POLD1: variants seen among roughly 807,000 people sequenced by gnomAD.
POLD1 encodes DNA polymerase delta 1, catalytic subunit, also known as DNA polymerase delta catalytic subunit.
POLD1 carries 79 observed loss-of-function variants against 129.7 expected under a neutral mutation model. The observed-to-expected ratio is 0.61, with a 90% confidence interval of 0.51 to 0.73. The LOEUF is 0.73. POLD1 is among the 30% of genes least tolerant of loss of function. The probability of loss-of-function intolerance (pLI) is 0.00; values close to 1 mark genes in which losing one functional copy is unlikely to be tolerated. For synonymous variants in POLD1, 714 were observed against 683.3 expected, an observed-to-expected ratio of 1.04 and a Z score of -0.70; for missense variants, 1,338 against 1,595.8, an observed-to-expected ratio of 0.84 and a Z score of 2.75.
intron 17 of POLD1, chr19:50,410,989 A>T (rs1306360578): frequency 1.6e-5 from 2 of 121,942 alleles, no homozygotes; most frequent in African/African-American, 7.1e-5. Flanking sequence ...ACAGAGTCTC[A>T]CTCTCTCACC....
chr19:50,415,539 G>A lies in POLD1; in HGVS notation c.2666G>A (p.Arg889His), dbSNP rs748904485. 4.3e-6 allele frequency: 7 copies of A among 1,613,084 alleles called. No individual in the cohort carries two copies. The highest frequency in any genetic ancestry group is 5.9e-6 in the Non-Finnish European group (7 of 1,179,786). Residue 889 changes from arginine (R) to histidine (H), a missense_variant, in exon 21 of 27, where the codon CGC becomes CAC. Physicochemically the swap from Arg to His is conservative, Grantham distance 29. Around this residue, in one of 3 missense-constraint regions of POLD1, gnomAD observed 720 missense variants for 1,002.6 expected, o/e 0.72. Coordinates refer to ENST00000440232, the MANE Select transcript of POLD1 (RefSeq NM_002691.4). ...CTGGTCATCACCAAGGAGCTGACCC[G>A]CGCGGCCTCCGACTATGCCGGCAAG... ...SQLVITKELT[R>H]AASDYAGKQA...
In POLD1 at chr19:50,417,108, C is replaced by G. The variant is rs369535710; in HGVS notation, c.3120+11C>G. 1 of 1,563,534 alleles carries G rather than the reference C, an allele frequency of 6.4e-7. No individual in the cohort carries two copies. ...CTGTATCAGAAGGAGGTGAGAGGGC[C>G]GGGAGGTGAGGAGGGGCCAGGTGGG... is the stretch of plus-strand genomic sequence containing the variant. On this transcript the variant is annotated intron_variant, in intron 25 of 26. Transcript: ENST00000440232.
intron 8 of POLD1, 58 bp downstream of exon 8, chr19:50,402,799 G>A: frequency 6.5e-7 from 1 of 1,545,476 alleles, no homozygotes; most frequent in Non-Finnish European, 8.7e-7. Context: ...TCGGGGGTCG[G>A]AAAGGCAGGT....
rs1568634947 is a variant in POLD1, at chr19:50,413,460, A to T, written c.2189A>T (p.Lys730Ile). ...GGGTTCGGACGTCAGATGATCGAGA[A>T]AACCAAGCAGCTGGTGGAGTCTAAG... ...VTGFGRQMIE[K>I]TKQLVESKYT... The change falls in exon 18 of 27, where the codon AAA becomes ATA. Residue 730 changes from lysine to isoleucine, a missense_variant. By Grantham distance (102) the Lys-to-Ile change is moderately radical (BLOSUM62 -3). This residue lies in a region of POLD1 where 720 missense variants were observed against 1,002.6 expected (regional missense o/e 0.72). Transcript: ENST00000440232. 6.2e-7 allele frequency: 1 copy of T among 1,613,498 alleles called. No individual in the cohort carries two copies. Among genetic ancestry groups the T allele is most frequent in the Non-Finnish European group, 8.5e-7 (1 of 1,179,664 alleles).
chr19:50,402,099 G>A lies in POLD1; in HGVS notation c.564G>A (p.Leu188=), dbSNP rs2038665417. 6.2e-7 allele frequency: 1 copy of A among 1,613,540 alleles called. No homozygotes were observed. Among genetic ancestry groups the A allele is most frequent in the Non-Finnish European group, 8.5e-7 (1 of 1,179,780 alleles). ...GGGAGCTGACTGGGCCGGCCGTGCT[G>A]GCTGTGGAACTGTGCTCCCGAGAGA... ...GGRELTGPAV[L]AVELCSRESM... is the part of the protein sequence containing the mutation. Residue 188 remains leucine, a synonymous_variant, in exon 5 of 27, where the codon CTG becomes CTA. Transcript: ENST00000440232.
chr19:50,413,656 G>A (rs2122442344), intron 18 of POLD1, 86 bp from the exon 19 acceptor site: 1 of 1,545,462 alleles, frequency 6.5e-7, no homozygotes, highest in Non-Finnish European at 8.8e-7. Context: ...GGGTCCCGTT[G>A]GCATTAGCCA....
chr19:50,392,712 A>T lies in POLD1; in HGVS notation c.-1-6139A>T, dbSNP rs1246139956. On this transcript the variant is annotated intron_variant, in intron 1 of 26. Transcript: ENST00000440232. Reference sequence around the variant, plus strand: ...GGCTGGTCTGGAACTCTTGACCTCAAGTGATCCACCCTCCTTGGCCTCCCA... The same window carrying T: ...GGCTGGTCTGGAACTCTTGACCTCATGTGATCCACCCTCCTTGGCCTCCCA... Among the ~76,000 whole-genome samples, 3 of 152,230 alleles carry T rather than the reference A, an allele frequency of 2.0e-5. No homozygotes were observed. The East Asian group carries it at 5.8e-4, about 29-fold the overall frequency.
chr19:50,417,387 C>T lies in POLD1; in HGVS notation c.3218+118C>T, dbSNP rs993167213. Reference sequence around the variant, plus strand: ...CCTGAGCATCCTCCCCGCCCATCCCCTTCCAGCTGTGAGCTGTCCTGAGCC... The same window carrying T: ...CCTGAGCATCCTCCCCGCCCATCCCTTTCCAGCTGTGAGCTGTCCTGAGCC... On this transcript the variant is annotated intron_variant, in intron 26 of 26. Transcript: ENST00000440232. The T allele has an allele frequency of 1.0e-5, 7 of 670,876 alleles. No individual in the cohort carries two copies. In the African/African-American group the frequency reaches 1.1e-4, roughly 10 times the overall value. The allele number at this position is 670,876 out of a possible 1,614,324, so 41.6% of individuals were successfully genotyped here.
At chr19:50,416,893 G>A (rs544672857) in intron 24 of POLD1, 152 bp from the exon 25 acceptor site, 16 of 1,024,604 alleles carry the variant, frequency 1.6e-5, no homozygotes, top group East Asian at 2.6e-5. Flanking sequence ...CCCCCACCCC[G>A]GGAGTTCCCC....
intron 1 of POLD1, among the ~76,000 whole-genome samples, 191 bp downstream of exon 1, chr19:50,384,581 G>T (rs1351350944): frequency 6.6e-6 from 1 of 151,422 alleles, no homozygotes; most frequent in Admixed American, 6.6e-5. Context: ...CGGGGTGGGG[G>T]TGGAATTCCT....
rs1421735311 is a variant in POLD1, at chr19:50,403,235, CG to C, written c.1137+17del. The stretch of plus-strand genomic sequence containing the variant: ...CCTGCTGCAGGTAGCTCTCGCTCCA[CG>C]CCCCACACCATTTCCCGGGGTCCCC... On this transcript the variant is annotated intron_variant, in intron 9 of 26. Coordinates refer to ENST00000440232, the MANE Select transcript of POLD1 (RefSeq NM_002691.4). The C allele has an allele frequency of 1.3e-5, 20 of 1,531,500 alleles. No homozygotes were observed. In the Admixed American group the frequency reaches 4.0e-4, roughly 31 times the overall value. 94.9% of individuals were successfully genotyped at this position (1,531,500 alleles called of 1,614,324 possible). A position where few individuals can be genotyped will look rare whatever the true frequency, so the allele number is the denominator to read the frequency against.
intron 1 of POLD1, among the ~76,000 whole-genome samples, chr19:50,394,387 C>G (rs2038270877): frequency 6.6e-6 from 1 of 152,106 alleles, no homozygotes; most frequent in Non-Finnish European, 1.5e-5. Flanking sequence ...CGCGGTGGCT[C>G]ACACCCATAA....
At chr19:50,417,517 C>G (rs2039354787) in intron 26 of POLD1, among the ~76,000 whole-genome samples, 1 of 152,182 alleles carries the variant, frequency 6.6e-6, no homozygotes, top group South Asian at 2.1e-4. Flanking sequence ...AACGGCTGTC[C>G]TCCCGACACA....
chr19:50,415,027 G>T, intron 20 of POLD1, 37 bp downstream of exon 20: 1 of 1,472,350 alleles, frequency 6.8e-7, no homozygotes. Flanking sequence ...CAGGGGGCTG[G>T]GCCCCAAACC....
chr19:50,391,756 G>A (rs1010247387), intron 1 of POLD1, among the ~76,000 whole-genome samples: 14 of 151,972 alleles, frequency 9.2e-5, no homozygotes, highest in Non-Finnish European at 1.6e-4. Flanking sequence ...CTTGTTGCCC[G>A]GGCTGGAGTG....
At position 50,416,072 on chromosome 19, in the gene POLD1, G is replaced by A. The variant is rs559625579; in HGVS notation, c.2820+246G>A. The A allele has an allele frequency of 2.5e-5, 14 of 569,796 alleles. No homozygotes were observed. The South Asian group carries it at 3.3e-4, about 13-fold the overall frequency. 35.3% of individuals were successfully genotyped at this position (569,796 alleles called of 1,614,324 possible). ...CCCTGTGCATACAGCTCCCCAGCCGGGGGTTCCCTTGGATTCATAATCCTC... is the reference window on the plus strand; with the variant it reads ...CCCTGTGCATACAGCTCCCCAGCCGAGGGTTCCCTTGGATTCATAATCCTC... On this transcript the variant is annotated intron_variant, in intron 22 of 26. Transcript: ENST00000440232.
In POLD1 at chr19:50,415,763, C is replaced by A; in HGVS notation, c.2757C>A (p.Gly919=). The A allele has an allele frequency of 6.6e-7, 1 of 1,522,106 alleles. No individual in the cohort carries two copies. The highest frequency in any genetic ancestry group is 1.2e-5 in the South Asian group (1 of 84,810). The allele number at this position is 1,522,106 out of a possible 1,614,324, so 94.3% of individuals were successfully genotyped here. The part of the protein sequence containing the change: ...KRDPGSAPSL[G]DRVPYVIISA... ...ACCCCGGGAGTGCGCCCAGCCTGGGCGACCGCGTCCCCTACGTGATCATCA... is the reference window on the plus strand; with the variant it reads ...ACCCCGGGAGTGCGCCCAGCCTGGGAGACCGCGTCCCCTACGTGATCATCA... The change falls in exon 22 of 27, where the codon GGC becomes GGA. Residue 919 remains glycine (G), a synonymous_variant. Coordinates refer to ENST00000440232, the MANE Select transcript of POLD1 (RefSeq NM_002691.4).
At chr19:50,395,958 T>G (rs2038347929) in intron 1 of POLD1, among the ~76,000 whole-genome samples, 2 of 138,544 alleles carry the variant, frequency 1.4e-5, no homozygotes, top group African/African-American at 5.3e-5. Context: ...GCTCAAGCGA[T>G]CCTCCCACCT....
chr19:50,391,896 A>G (rs3219324), intron 1 of POLD1, among the ~76,000 whole-genome samples: 23,146 of 151,402 alleles, frequency 0.15, 2,350 homozygotes, highest in Non-Finnish European at 0.23. Context: ...TATTTTTTTT[A>G]GTATAGACGG....
Sources: gnomAD v4.1 joint callset for allele counts (sites outside exome capture counted in the v4.1 genomes callset) on GRCh38, gnomAD v4.1.1 for gene constraint, gnomAD v4.1.1 regional missense constraint, MANE v1.5 for transcripts, NCBI Gene and HGNC (gene_info 2026-07-23, HGNC 2026-07-21) for gene names.